HAPLN1: variants seen among roughly 807,000 people sequenced by gnomAD.
The protein encoded by HAPLN1 is hyaluronan and proteoglycan link protein 1.
A neutral mutation model predicts 36.5 loss-of-function variants in HAPLN1; 13 were observed. The ratio of observed to expected loss-of-function variants is 0.36; its 90% CI spans 0.23 to 0.57. HAPLN1 has a LOEUF of 0.57. HAPLN1 is among the 20% of genes least tolerant of loss of function. The probability of loss-of-function intolerance (pLI) is 0.83; values close to 1 mark genes in which losing one functional copy is unlikely to be tolerated. For missense variants in HAPLN1, 407 were observed against 439.7 expected, an observed-to-expected ratio of 0.93 and a Z score of 0.66; for synonymous variants, 202 against 169.8, an observed-to-expected ratio of 1.19 and a Z score of -1.48.
intron 3 of HAPLN1, among the ~76,000 whole-genome samples, chr5:83,650,284 T>A (rs1324627248): frequency 6.6e-6 from 1 of 152,220 alleles, no homozygotes; most frequent in Non-Finnish European, 1.5e-5. Context: ...TGTCTTAAGC[T>A]TCATCTATAA....
intron 2 of HAPLN1, 146 bp downstream of exon 2, chr5:83,673,278 G>A (rs1679573088): frequency 3.4e-6 from 2 of 588,484 alleles, no homozygotes; most frequent in Non-Finnish European, 5.9e-6. Flanking sequence ...GTGTTTAAAA[G>A]CCAGGGAACA....
At chr5:83,685,560 A>C (rs1258844684) in intron 1 of HAPLN1, among the ~76,000 whole-genome samples, 1 of 152,196 alleles carries the variant, frequency 6.6e-6, no homozygotes, top group African/African-American at 2.4e-5. Flanking sequence ...CATCTAAAAC[A>C]TTTTGACCCC....
chr5:83,706,175 A>G (rs565380098), intron 1 of HAPLN1, among the ~76,000 whole-genome samples: 1 of 151,878 alleles, frequency 6.6e-6, no homozygotes, highest in South Asian at 2.1e-4. Flanking sequence ...TACAAGAAAG[A>G]GCTTGTACCA....
chr5:83,694,836 T>C (rs1290628181), intron 1 of HAPLN1, among the ~76,000 whole-genome samples: 3 of 152,002 alleles, frequency 2.0e-5, no homozygotes, highest in Non-Finnish European at 2.9e-5. Context: ...TCACCAAACA[T>C]TTAAAGAAGA....
At chr5:83,658,075 A>C (rs1750272590) in intron 2 of HAPLN1, among the ~76,000 whole-genome samples, 1 of 152,136 alleles carries the variant, frequency 6.6e-6, no homozygotes, top group South Asian at 2.1e-4. Flanking sequence ...TTCCAAACTG[A>C]TAGACATAGA....
At chr5:83,657,606 T>C (rs1750257364) in intron 2 of HAPLN1, among the ~76,000 whole-genome samples, 1 of 152,104 alleles carries the variant, frequency 6.6e-6, no homozygotes. Flanking sequence ...TCATGGTCCT[T>C]ACACCACTCA....
intron 4 of HAPLN1, among the ~76,000 whole-genome samples, chr5:83,642,821 A>G (rs777007128): frequency 6.6e-6 from 1 of 152,216 alleles, no homozygotes; most frequent in Non-Finnish European, 1.5e-5. Flanking sequence ...CATCTACACC[A>G]GAGTTCAGCA....
chr5:83,687,772 A>T (rs1157883049), intron 1 of HAPLN1, among the ~76,000 whole-genome samples: 1 of 152,212 alleles, frequency 6.6e-6, no homozygotes, highest in Non-Finnish European at 1.5e-5. Context: ...ATTGGGGGGA[A>T]AATGAGAGTA....
chr5:83,702,587 G>A (rs1284995793), intron 1 of HAPLN1, among the ~76,000 whole-genome samples: 2 of 152,122 alleles, frequency 1.3e-5, no homozygotes, highest in African/African-American at 2.4e-5. Flanking sequence ...GGGTTACTCA[G>A]AACATAGTCA....
intron 1 of HAPLN1, among the ~76,000 whole-genome samples, chr5:83,691,464 A>G (rs1274038974): frequency 2.0e-5 from 3 of 152,064 alleles, no homozygotes; most frequent in Non-Finnish European, 2.9e-5. Flanking sequence ...AAAGCCTCAT[A>G]ATTCTTGGAG....
intron 3 of HAPLN1, among the ~76,000 whole-genome samples, chr5:83,646,190 A>G (rs961963944): frequency 6.6e-6 from 1 of 152,214 alleles, no homozygotes; most frequent in African/African-American, 2.4e-5. Flanking sequence ...AAAAGGACTA[A>G]TGTGTCAAAG....
At chr5:83,689,073 C>A (rs2112617730) in intron 1 of HAPLN1, among the ~76,000 whole-genome samples, 1 of 152,248 alleles carries the variant, frequency 6.6e-6, no homozygotes, top group South Asian at 2.1e-4. Flanking sequence ...GCAAAGCCTA[C>A]AATAGGTGCA....
chr5:83,710,645 G>A (rs1329475187), intron 1 of HAPLN1, among the ~76,000 whole-genome samples: 3 of 152,148 alleles, frequency 2.0e-5, no homozygotes, highest in Non-Finnish European at 4.4e-5. Context: ...ATTTGACTGT[G>A]ATGAAATGCC....
In HAPLN1 at chr5:83,709,135, G is replaced by A. The variant is rs116871454; in HGVS notation, c.-27+11654C>T. On this transcript the variant is annotated intron_variant, in intron 1 of 4. Coordinates refer to ENST00000274341, the MANE Select transcript of HAPLN1 (RefSeq NM_001884.4). ...CTCCCAAAGTGCTGGGATTACAGGC[G>A]TGAGCCACCGTGCTCAGCCCAGTTT... Among the ~76,000 whole-genome samples, 10 of 152,228 alleles carry A rather than the reference G, an allele frequency of 6.6e-5. No individual in the cohort carries two copies. The East Asian group carries it at 1.7e-3, about 26-fold the overall frequency.
intron 1 of HAPLN1, among the ~76,000 whole-genome samples, chr5:83,682,967 A>G (rs1164945778): frequency 6.6e-6 from 1 of 152,152 alleles, no homozygotes; most frequent in Non-Finnish European, 1.5e-5. Context: ...CTTTATAGGC[A>G]TGGAATCTTA....
chr5:83,712,806 C>T (rs916797486), intron 1 of HAPLN1, among the ~76,000 whole-genome samples: 8 of 147,706 alleles, frequency 5.4e-5, no homozygotes, highest in Admixed American at 4.1e-4. Context: ...TGGGGTAATA[C>T]TTAAAGTTAT....
intron 1 of HAPLN1, among the ~76,000 whole-genome samples, chr5:83,683,959 G>A (rs1420239349): frequency 6.6e-6 from 1 of 152,054 alleles, no homozygotes; most frequent in Admixed American, 6.6e-5. Context: ...AAAAGAACAA[G>A]AGCAAAACAA....
intron 2 of HAPLN1, among the ~76,000 whole-genome samples, 169 bp from the exon 3 acceptor site, chr5:83,652,993 C>T (rs1750115650): frequency 6.6e-6 from 1 of 152,060 alleles, no homozygotes; most frequent in Admixed American, 6.5e-5. Flanking sequence ...CCTCTAATAA[C>T]TAGAAGGTAT....
rs112622250 is a variant in HAPLN1, at chr5:83,676,165, T to C, written c.-26-2616A>G. Among the ~76,000 whole-genome samples the C allele has an allele frequency of 1.3e-3, 189 of 142,158 alleles. 4 individuals carry two copies. Among genetic ancestry groups the C allele is most frequent in the African/African-American group, 5.5e-3 (182 of 33,152 alleles). 93.3% of individuals were successfully genotyped at this position (142,158 alleles called of 152,430 possible). On this transcript the variant is annotated intron_variant, in intron 1 of 4. Transcript: ENST00000274341. ...ATGTGTGCACACATACACAGAGATA[T>C]GCACACATACACAGAGATACGCACA...
Sources: allele counts gnomAD v4.1 joint callset (sites outside exome capture counted in the v4.1 genomes callset), GRCh38; gene constraint gnomAD v4.1.1; transcripts MANE v1.5; gene names NCBI Gene and HGNC (gene_info 2026-07-23, HGNC 2026-07-21).